TNS1: variants seen among roughly 807,000 people sequenced by gnomAD.
TNS1 encodes the protein tensin 1.
TNS1 carries 62 observed loss-of-function variants against 168.6 expected under a neutral mutation model. The ratio of observed to expected loss-of-function variants is 0.37; its 90% CI spans 0.30 to 0.45. The LOEUF (loss-of-function observed/expected upper bound fraction) is 0.45, where lower values mean the gene tolerates loss of function less well. Ranked by LOEUF, TNS1 falls within the 20% of genes least tolerant of loss-of-function variation. The probability of loss-of-function intolerance (pLI) is 1.00; values close to 1 mark genes in which losing one functional copy is unlikely to be tolerated. For synonymous variants in TNS1, 934 were observed against 933.2 expected (o/e 1.00, Z -0.02); for missense variants, 2,240 against 2,339.4 (o/e 0.96, Z 0.88).
chr2:217,842,864 G>A (rs184956895), intron 19 of TNS1, among the ~76,000 whole-genome samples: 33 of 152,104 alleles, frequency 2.2e-4, no homozygotes, highest in African/African-American at 4.1e-4. Flanking sequence ...CTCATCTCTC[G>A]CTGCCCAGCC....
intron 3 of TNS1, among the ~76,000 whole-genome samples, chr2:217,975,943 A>C (rs1019416393): frequency 6.6e-6 from 1 of 152,042 alleles, no homozygotes; most frequent in Non-Finnish European, 1.5e-5. Flanking sequence ...TGGAAATCCA[A>C]TCGCGTCCCT....
chr2:217,920,432 G>A (rs1011854927), intron 3 of TNS1, among the ~76,000 whole-genome samples, 196 bp from the exon 4 acceptor site: 14 of 152,270 alleles, frequency 9.2e-5, no homozygotes, highest in African/African-American at 1.9e-4. Flanking sequence ...GAAAGGGAGC[G>A]GGGGCCGCAG....
At position 217,824,379 on chromosome 2, in the gene TNS1, G is replaced by A. The variant is rs887215078; in HGVS notation, c.3374-2441C>T. 2.0e-5 allele frequency among the ~76,000 whole-genome samples: 3 copies of A among 152,256 alleles called. No individual in the cohort carries two copies. The South Asian group carries it at 6.2e-4, about 32-fold the overall frequency. On this transcript the variant is annotated intron_variant, in intron 22 of 32. Coordinates refer to ENST00000682258, the MANE Select transcript of TNS1 (RefSeq NM_001387777.1). ...CCCATAGGCTCACAGGACACCCAGA[G>A]CTGGCTCTATCCAGCACTTCAGCCC...
intron 3 of TNS1, among the ~76,000 whole-genome samples, chr2:217,924,297 T>TTCTC (rs149299331): frequency 6.7e-6 from 1 of 149,976 alleles, no homozygotes; most frequent in African/African-American, 2.5e-5. Context: ...TCCCTTATGT[T>TTCTC]TCTCTCTCTC....
At chr2:217,998,470 A>G (rs1005312395) in intron 1 of TNS1, among the ~76,000 whole-genome samples, 1 of 152,186 alleles carries the variant, frequency 6.6e-6, no homozygotes, top group Non-Finnish European at 1.5e-5. Context: ...AATCCTCACA[A>G]TGACGCCCTG....
chr2:217,877,586 C>T (rs1184412957), intron 18 of TNS1, among the ~76,000 whole-genome samples: 1 of 152,194 alleles, frequency 6.6e-6, no homozygotes, highest in Non-Finnish European at 1.5e-5. Flanking sequence ...GAGAAGTCAG[C>T]CTTCAGAGAA....
At chr2:217,807,484 C>A (rs556778721) in intron 32 of TNS1, among the ~76,000 whole-genome samples, 1 of 152,312 alleles carries the variant, frequency 6.6e-6, no homozygotes, top group South Asian at 2.1e-4. Context: ...CATCTTAGTG[C>A]TATTTAGACA....
intron 3 of TNS1, among the ~76,000 whole-genome samples, chr2:217,939,516 C>G (rs562724744): frequency 6.6e-6 from 1 of 152,214 alleles, no homozygotes; most frequent in Non-Finnish European, 1.5e-5. Flanking sequence ...GATCACAGAA[C>G]GCTGTGGGGT....
chr2:217,877,156 C>T (rs1950272095), intron 18 of TNS1, among the ~76,000 whole-genome samples: 1 of 152,032 alleles, frequency 6.6e-6, no homozygotes, highest in Non-Finnish European at 1.5e-5. Context: ...AGCAGGTGAG[C>T]CCAAAGTCTC....
chr2:217,816,995 G>A (rs1238244080), intron 24 of TNS1, among the ~76,000 whole-genome samples: 1 of 152,198 alleles, frequency 6.6e-6, no homozygotes, highest in Non-Finnish European at 1.5e-5. Context: ...GGCAAGTTCT[G>A]GCGATAAGTG....
At chr2:217,835,197 G>A (rs778207152) in intron 20 of TNS1, 31 bp from the exon 21 acceptor site, 1 of 1,589,538 alleles carries the variant, frequency 6.3e-7, no homozygotes, top group South Asian at 1.1e-5. Context: ...GAAAAAGAGG[G>A]AAACCATGAG....
At chr2:217,945,960 C>T (rs936266258) in intron 3 of TNS1, among the ~76,000 whole-genome samples, 3 of 152,254 alleles carry the variant, frequency 2.0e-5, no homozygotes, top group African/African-American at 2.4e-5. Context: ...AGCAGGTATC[C>T]GGAACAGCAG....
intron 19 of TNS1, among the ~76,000 whole-genome samples, chr2:217,839,126 G>T (rs548104747): frequency 1.3e-5 from 2 of 151,936 alleles, no homozygotes; most frequent in African/African-American, 2.4e-5. Flanking sequence ...GATGATGGGG[G>T]TACATAGTGG....
intron 21 of TNS1, among the ~76,000 whole-genome samples, chr2:217,833,118 T>G (rs1944678996): frequency 6.6e-6 from 1 of 152,232 alleles, no homozygotes; most frequent in South Asian, 2.1e-4. Context: ...AGACGGTCAT[T>G]CATGGAATAA....
intron 1 of TNS1, among the ~76,000 whole-genome samples, chr2:218,002,134 A>G (rs1958576481): frequency 1.3e-5 from 2 of 152,112 alleles, no homozygotes; most frequent in South Asian, 4.2e-4. Context: ...TAAGACTTTT[A>G]ACCTTCACCA....
rs763848048 is a variant in TNS1, at chr2:217,847,808, T to G, written c.2709A>C (p.Pro903=). Residue 903 remains proline, a synonymous_variant, in exon 19 of 33, where the codon CCA becomes CCC. Transcript: ENST00000682258. ...CAGACTCCAGAGAGGCCCGTGGGGC[T>G]GGCTCAGGGGTTCCCAACGAATGCC... The part of the protein sequence containing the change: ...PSGHSLGTPE[P]APRASLESVP... The G allele has an allele frequency of 4.4e-6, 7 of 1,601,444 alleles. No individual in the cohort carries two copies. In the African/African-American group the frequency reaches 8.0e-5, roughly 18 times the overall value.
At chr2:217,974,797 C>T (rs757079096) in intron 3 of TNS1, among the ~76,000 whole-genome samples, 28 of 152,262 alleles carry the variant, frequency 1.8e-4, no homozygotes, top group Non-Finnish European at 2.4e-4. Context: ...GTCTGATTCC[C>T]GTACCCTGCC....
intron 18 of TNS1, among the ~76,000 whole-genome samples, chr2:217,856,095 A>G (rs1476674937): frequency 1.3e-5 from 2 of 152,182 alleles, no homozygotes; most frequent in Non-Finnish European, 2.9e-5. Flanking sequence ...CAACATATGC[A>G]TCGAAAAGTT....
At chr2:217,890,119 A>G (rs1448467354) in intron 12 of TNS1, among the ~76,000 whole-genome samples, 2 of 152,152 alleles carry the variant, frequency 1.3e-5, no homozygotes, top group Non-Finnish European at 2.9e-5. Context: ...CTCAGCTTCT[A>G]ATCTGCAAAA....
Sources: gnomAD v4.1 joint callset for allele counts (sites outside exome capture counted in the v4.1 genomes callset) on GRCh38, gnomAD v4.1.1 for gene constraint, MANE v1.5 for transcripts, NCBI Gene and HGNC (gene_info 2026-07-23, HGNC 2026-07-21) for gene names.